Variants in KIF21A observed in about 807,000 individuals in gnomAD.
KIF21A encodes the protein kinesin family member 21A, also known as kinesin-like protein KIF21A.
Under a neutral mutation model 202.9 loss-of-function variants are expected in KIF21A, and 114 were observed. That is an observed-to-expected ratio of 0.56 (90% CI 0.48 to 0.66). KIF21A has a LOEUF of 0.66. Ranked by LOEUF, KIF21A falls within the 30% of genes least tolerant of loss-of-function variation. The pLI is 0.00. For synonymous variants in KIF21A, 667 were observed against 670.8 expected (o/e 0.99, Z 0.09); for missense variants, 1,677 against 1,994.9 (o/e 0.84, Z 3.04).
chr12:39,392,076 T>C (rs1208653652), intron 1 of KIF21A, among the ~76,000 whole-genome samples: 1 of 151,944 alleles, frequency 6.6e-6, no homozygotes, highest in Non-Finnish European at 1.5e-5. Flanking sequence ...TTGATAAAGA[T>C]GGAAATAATC....
intron 31 of KIF21A, among the ~76,000 whole-genome samples, chr12:39,314,606 C>T (rs1400258860): frequency 6.6e-6 from 1 of 151,724 alleles, no homozygotes. Context: ...AATAACAAAT[C>T]TTCTTAAGAA....
intron 1 of KIF21A, among the ~76,000 whole-genome samples, chr12:39,393,527 T>A (rs1046516596): frequency 6.6e-6 from 1 of 152,170 alleles, no homozygotes; most frequent in East Asian, 1.9e-4. Flanking sequence ...CACCTTGTAT[T>A]TGCCATTCCG....
chr12:39,318,064 A>G lies in KIF21A; in HGVS notation c.3908+9T>C, dbSNP rs367776699. On this transcript the variant is annotated intron_variant, in intron 29 of 37. Transcript: ENST00000361418. The stretch of plus-strand genomic sequence containing the variant: ...TAAATAATTGGGGCTCTTTTCCATA[A>G]TGACTTACTTATCCTGCTGAACTGA... 1.2e-6 allele frequency: 2 copies of G among 1,611,178 alleles called. No individual in the cohort carries two copies. The highest frequency in any genetic ancestry group is 1.7e-6 in the Non-Finnish European group (2 of 1,177,884).
intron 1 of KIF21A, among the ~76,000 whole-genome samples, chr12:39,370,763 TG>T (rs919749020): frequency 1.3e-5 from 2 of 152,116 alleles, no homozygotes; most frequent in Non-Finnish European, 2.9e-5. Flanking sequence ...TTGACCATTA[TG>T]TTCTATCAGT....
intron 1 of KIF21A, among the ~76,000 whole-genome samples, chr12:39,421,742 TAC>T (rs755593805): frequency 2.1e-5 from 3 of 143,018 alleles, no homozygotes; most frequent in Non-Finnish European, 3.0e-5. Context: ...TATATATATA[TAC>T]ACATACACAC....
At chr12:39,370,546 T>C (rs369222943) in intron 1 of KIF21A, among the ~76,000 whole-genome samples, 15 of 152,278 alleles carry the variant, frequency 9.9e-5, no homozygotes, top group African/African-American at 3.4e-4. Flanking sequence ...ACTTTTCCTC[T>C]ACTCTGTAAG....
rs372559101 is a variant in KIF21A, at chr12:39,367,014, A to G, written c.735+16T>C. 3 of 1,609,962 alleles carry G rather than the reference A, an allele frequency of 1.9e-6. No homozygotes were observed. On this transcript the variant is annotated intron_variant, in intron 5 of 37. Coordinates refer to ENST00000361418, the MANE Select transcript of KIF21A (RefSeq NM_001173464.2). ...ATAAAAATTGAAAGTTTAAGAAATT[A>G]GAATTAATAACTCACAGCATCTATT...
rs142020080 is a variant in KIF21A at position 39,328,628 on chromosome 12, G to A, written c.3340+1614C>T. Among the ~76,000 whole-genome samples the A allele has an allele frequency of 1.6e-4, 24 of 152,276 alleles. No homozygotes were observed. In the East Asian group the frequency reaches 2.5e-3, roughly 16 times the overall value. On this transcript the variant is annotated intron_variant, in intron 24 of 37. Transcript: ENST00000361418. The stretch of plus-strand genomic sequence containing the variant: ...AAGTACAACCCTGTGAGCATGGGGC[G>A]CTGGCCCTGGCTCATCCTCTACCCT...
intron 7 of KIF21A, among the ~76,000 whole-genome samples, chr12:39,358,818 A>G (rs1294443690): frequency 6.6e-6 from 1 of 152,226 alleles, no homozygotes; most frequent in Non-Finnish European, 1.5e-5. Flanking sequence ...CATTGAAACA[A>G]GAAGAGTACT....
chr12:39,418,250 T>C (rs1383247392), intron 1 of KIF21A, among the ~76,000 whole-genome samples: 1 of 151,554 alleles, frequency 6.6e-6, no homozygotes, highest in Non-Finnish European at 1.5e-5. Flanking sequence ...CAGAAAACAT[T>C]GATTTTGTAA....
intron 1 of KIF21A, among the ~76,000 whole-genome samples, chr12:39,438,189 A>G (rs1304163681): frequency 6.6e-6 from 1 of 152,174 alleles, no homozygotes; most frequent in African/African-American, 2.4e-5. Flanking sequence ...ATAAAATATT[A>G]TTCATTTGTA....
chr12:39,430,808 T>C (rs1010904784), intron 1 of KIF21A, among the ~76,000 whole-genome samples: 1 of 151,836 alleles, frequency 6.6e-6, no homozygotes, highest in African/African-American at 2.4e-5. Context: ...ATAATAAGGA[T>C]TAGATAAGGT....
At chr12:39,325,428 T>A (rs1242093708) in intron 26 of KIF21A, among the ~76,000 whole-genome samples, 1 of 150,564 alleles carries the variant, frequency 6.6e-6, no homozygotes, top group East Asian at 2.0e-4. Context: ...ACCTCCTGGG[T>A]TCAAGAGATT....
intron 1 of KIF21A, among the ~76,000 whole-genome samples, chr12:39,420,850 C>A (rs1435484205): frequency 1.3e-5 from 2 of 151,800 alleles, no homozygotes; most frequent in African/African-American, 4.8e-5. Context: ...TGTAACCCAC[C>A]AAATTCAACC....
intron 7 of KIF21A, 140 bp from the exon 8 acceptor site, chr12:39,358,513 C>T: frequency 1.4e-6 from 1 of 736,122 alleles, no homozygotes; most frequent in Non-Finnish European, 2.3e-6. Context: ...AGCCCCTGTA[C>T]TTGAAGACTA....
chr12:39,442,977 G>A lies in KIF21A; in HGVS notation c.-7C>T. The stretch of plus-strand genomic sequence containing the variant: ...CGTCCGGGGCGCCCAACATGCTGGC[G>A]GCGGGCAGCGATCGAGCCGTTGGGC... On this transcript the variant is annotated 5_prime_UTR_variant, in exon 1 of 38. Transcript: ENST00000361418. The surrounding 1 kb of genome is among the most constrained non-coding windows in gnomAD (Gnocchi z 5.0). 6.6e-7 allele frequency: 1 copy of A among 1,519,874 alleles called. No individual in the cohort carries two copies. The highest frequency in any genetic ancestry group is 1.2e-5 in the South Asian group (1 of 82,296). 94.1% of individuals were successfully genotyped at this position (1,519,874 alleles called of 1,614,324 possible).
intron 1 of KIF21A, 104 bp from the exon 2 acceptor site, chr12:39,370,365 A>T (rs1949870870): frequency 1.3e-6 from 1 of 778,276 alleles, no homozygotes; most frequent in Middle Eastern, 3.2e-4. Context: ...TTTAAAACTC[A>T]TGTAATTACC....
chr12:39,347,774 G>T (rs1948025974), intron 11 of KIF21A, among the ~76,000 whole-genome samples: 1 of 152,018 alleles, frequency 6.6e-6, no homozygotes, highest in African/African-American at 2.4e-5. Flanking sequence ...TGTGTTTCTA[G>T]AGTTTCAACC....
At chr12:39,314,608 T>C (rs1302045535) in intron 31 of KIF21A, among the ~76,000 whole-genome samples, 2 of 151,870 alleles carry the variant, frequency 1.3e-5, no homozygotes, top group Non-Finnish European at 3.0e-5. Flanking sequence ...TAACAAATCT[T>C]CTTAAGAAAA....
Sources: gnomAD v4.1 joint callset for allele counts (sites outside exome capture counted in the v4.1 genomes callset) on GRCh38, gnomAD v4.1.1 for gene constraint, Gnocchi (gnomAD v3.1) non-coding constraint, MANE v1.5 for transcripts, NCBI Gene and HGNC (gene_info 2026-07-23, HGNC 2026-07-21) for gene names.